TRPV1: variants seen among roughly 807,000 people sequenced by gnomAD.
TRPV1 encodes transient receptor potential cation channel subfamily V member 1.
TRPV1 carries 82 observed loss-of-function variants against 82.3 expected under a neutral mutation model. The observed-to-expected ratio is 1.00, with a 90% CI of 0.83 to 1.20. The LOEUF (loss-of-function observed/expected upper bound fraction) is 1.20. Among genes scored for constraint, TRPV1 ranks in the 50% most tolerant of loss-of-function variants. TRPV1 has a pLI of 0.00. For synonymous variants in TRPV1, 515 were observed against 467.7 expected (o/e 1.10, Z -1.30); for missense variants, 1,067 against 1,096.8 (o/e 0.97, Z 0.38).
chr17:3,586,121 G>A (rs2075082585), intron 8 of TRPV1, among the ~76,000 whole-genome samples, 195 bp from the exon 9 acceptor site: 1 of 152,240 alleles, frequency 6.6e-6, no homozygotes, highest in African/African-American at 2.4e-5. Context: ...CTCACGGAGG[G>A]ACCTGCCCTC....
In TRPV1 at chr17:3,588,209, G is replaced by A; in HGVS notation, c.1203C>T (p.Ala401=). The A allele has an allele frequency of 6.4e-7, 1 of 1,569,288 alleles. No homozygotes were observed. Among genetic ancestry groups the A allele is most frequent in the Non-Finnish European group, 8.6e-7 (1 of 1,157,608 alleles). ...CEKNSVLEVI[A]YSSSETPNRH... ...TCACAGGGGTCTCGCTGCTGCTGTA[G>A]GCGATCACCTCCAGCACCGAGTTCT... Residue 401 remains alanine, a synonymous_variant, in exon 8 of 17, where the codon GCC becomes GCT. Transcript: ENST00000572705.
In TRPV1 at chr17:3,573,756, G is replaced by A; in HGVS notation, c.1980C>T (p.Phe660=). The A allele has an allele frequency of 6.2e-7, 1 of 1,614,080 alleles. No individual in the cohort carries two copies. Among genetic ancestry groups the A allele is most frequent in the South Asian group, 1.1e-5 (1 of 91,074 alleles). ...FTENYDFKAV[F]IILLLAYVIL... is the part of the protein sequence containing the mutation. ...TTACATAGGCCAGCAGCAGGATGATGAAGACAGCCTTGAAGTCATAGTTCT... is the reference window on the plus strand; with the variant it reads ...TTACATAGGCCAGCAGCAGGATGATAAAGACAGCCTTGAAGTCATAGTTCT... Residue 660 remains phenylalanine, a synonymous_variant, in exon 14 of 17, where the codon TTC becomes TTT. Coordinates refer to ENST00000572705, the MANE Select transcript of TRPV1 (RefSeq NM_080704.4).
In TRPV1 at chr17:3,572,115, G is replaced by C; in HGVS notation, c.2231+7C>G. 1 of 1,612,552 alleles carries C rather than the reference G, an allele frequency of 6.2e-7. No individual in the cohort carries two copies. The highest frequency in any genetic ancestry group is 8.5e-7 in the Non-Finnish European group (1 of 1,179,014). ...AAGCCCTGATTCAGGTGGAGCCTGGGCATTACCTGAAGCACCACCGGTAGT... is the reference window on the plus strand; with the variant it reads ...AAGCCCTGATTCAGGTGGAGCCTGGCCATTACCTGAAGCACCACCGGTAGT... On this transcript the variant is annotated splice_region_variant and intron_variant, in intron 15 of 16. Transcript: ENST00000572705.
At chr17:3,586,348 C>T (rs2075084993) in intron 8 of TRPV1, among the ~76,000 whole-genome samples, 1 of 152,246 alleles carries the variant, frequency 6.6e-6, no homozygotes, top group Admixed American at 6.5e-5. Context: ...ACGTTTCCAG[C>T]CCTGGGTCAG....
At position 3,591,242 on chromosome 17, in the gene TRPV1, G is replaced by A; in HGVS notation, c.396C>T (p.Ser132=). 2 of 1,613,180 alleles carry A rather than the reference G, an allele frequency of 1.2e-6. No individual in the cohort carries two copies. Among genetic ancestry groups the A allele is most frequent in the African/African-American group, 2.7e-5 (2 of 74,996 alleles). Residue 132 remains serine, a synonymous_variant, in exon 4 of 17, where the codon AGC becomes AGT. Coordinates refer to ENST00000572705, the MANE Select transcript of TRPV1 (RefSeq NM_080704.4). ...VAQNNCQDLE[S]LLLFLQKSKK... is the part of the protein sequence containing the mutation. ...TGCTCTTCTGCAGGAAGAGCAGCAG[G>A]CTCTCCAGATCCTGGCAGTTATTCT... is the stretch of plus-strand genomic sequence containing the variant.
At chr17:3,576,668 A>AAAATATATAT in intron 13 of TRPV1, among the ~76,000 whole-genome samples, 10 of 38,412 alleles carry the variant, frequency 2.6e-4, no homozygotes, top group Admixed American at 1.8e-3. Flanking sequence ...AAAAAAAAAA[A>AAAATATATAT]ATATATATAT....
At chr17:3,605,727 T>G (rs1449878382) in intron 2 of TRPV1, among the ~76,000 whole-genome samples, 1 of 152,158 alleles carries the variant, frequency 6.6e-6, no homozygotes, top group Non-Finnish European at 1.5e-5. Context: ...TCCTAGGGTC[T>G]GTTTATGTAA....
intron 9 of TRPV1, among the ~76,000 whole-genome samples, chr17:3,584,470 C>A (rs1248744059): frequency 1.4e-5 from 2 of 146,210 alleles, no homozygotes; most frequent in South Asian, 4.4e-4. Context: ...GGACAGAAAT[C>A]GGGTTTCATG....
chr17:3,580,614 T>C (rs2074994933), intron 10 of TRPV1, 87 bp from the exon 11 acceptor site: 2 of 1,392,976 alleles, frequency 1.4e-6, no homozygotes, highest in East Asian at 2.3e-5. Context: ...AATGGCACCA[T>C]GATGGGGTGG....
chr17:3,597,431 G>A (rs774331115), intron 2 of TRPV1, among the ~76,000 whole-genome samples: 3 of 152,162 alleles, frequency 2.0e-5, no homozygotes, highest in Middle Eastern at 3.2e-3. Flanking sequence ...AAATAAAGAG[G>A]GAATGGAGGG....
chr17:3,570,140 A>T (rs1045373998), intron 16 of TRPV1, among the ~76,000 whole-genome samples: 5 of 152,154 alleles, frequency 3.3e-5, no homozygotes, highest in Non-Finnish European at 7.4e-5. Flanking sequence ...CTGTCATCCC[A>T]GCACTTTGGG....
chr17:3,581,510 A>C (rs1428754748), intron 10 of TRPV1, among the ~76,000 whole-genome samples: 1 of 152,170 alleles, frequency 6.6e-6, no homozygotes, highest in African/African-American at 2.4e-5. Context: ...GACGAAGTTC[A>C]ATGACTGAAC....
chr17:3,580,761 C>A (rs958700108), intron 10 of TRPV1, among the ~76,000 whole-genome samples: 32 of 152,300 alleles, frequency 2.1e-4, no homozygotes, highest in East Asian at 7.7e-4. Context: ...TCACGCCTGT[C>A]ATCCCAGCAC....
Position 3,603,134 on chromosome 17 carries a change from T to G in TRPV1, c.-34+5293A>C, listed in dbSNP as rs118071402. Among the ~76,000 whole-genome samples, 874 of 127,464 alleles carry G rather than the reference T, an allele frequency of 6.9e-3. 23 individuals are homozygous for G. The East Asian group carries it at 0.11, about 16-fold the overall frequency. 83.6% of individuals were successfully genotyped at this position (127,464 alleles called of 152,430 possible). On this transcript the variant is annotated intron_variant, in intron 2 of 16. Transcript: ENST00000572705. The stretch of plus-strand genomic sequence containing the variant: ...AAACTCCATCTCAAAAAATTAAAAT[T>G]AAAATTAAAAAAAAAAAGAAAAATA...
chr17:3,591,290 C>T lies in TRPV1; in HGVS notation c.348G>A (p.Arg116=). 4 of 1,612,998 alleles carry T rather than the reference C, an allele frequency of 2.5e-6. No individual in the cohort carries two copies. The highest frequency in any genetic ancestry group is 3.4e-6 in the Non-Finnish European group (4 of 1,179,698). ...TCTGAGCAACGGCTTCAAAGATACT[C>T]CTGCGATCATAGAGCCTGAGGGTCT... ...TEKTLRLYDR[R]SIFEAVAQNN... The change falls in exon 4 of 17, where the codon AGG becomes AGA. Residue 116 remains arginine, a synonymous_variant. Coordinates refer to ENST00000572705, the MANE Select transcript of TRPV1 (RefSeq NM_080704.4).
chr17:3,572,331 C>T, intron 14 of TRPV1, 82 bp from the exon 15 acceptor site: 5 of 1,499,920 alleles, frequency 3.3e-6, no homozygotes, highest in Middle Eastern at 2.0e-4. Context: ...TATCCAGCTC[C>T]CCAGGGGCTC....
At chr17:3,598,274 C>G (rs1162201312) in intron 2 of TRPV1, among the ~76,000 whole-genome samples, 1 of 152,178 alleles carries the variant, frequency 6.6e-6, no homozygotes, top group Non-Finnish European at 1.5e-5. Context: ...TGCCTGGGGT[C>G]GCTTGAAAGC....
At chr17:3,590,905 G>A in intron 5 of TRPV1, 59 bp downstream of exon 5, 1 of 1,500,224 alleles carries the variant, frequency 6.7e-7, no homozygotes, top group Non-Finnish European at 8.9e-7. Context: ...GGACAACCAT[G>A]CCCCCCTGCT....
At position 3,573,798 on chromosome 17, in the gene TRPV1, GC is replaced by G; in HGVS notation, c.1937del (p.Gly646AlafsTer23). On this transcript the variant is annotated frameshift_variant, in exon 14 of 17. Coordinates refer to ENST00000572705, the MANE Select transcript of TRPV1 (RefSeq NM_080704.4). LOFTEE classifies it high-confidence loss of function. ...LELFKFTIGM[G>X]DLEFTENYDF... is the part of the protein sequence containing the mutation. ...CATAGTTCTCAGTGAACTCCAGGTC[GC>G]CCATGCCGATGGTGAACTTGAACAG... 2 of 1,613,850 alleles carry G rather than the reference GC, an allele frequency of 1.2e-6. No homozygotes were observed. The highest frequency in any genetic ancestry group is 1.7e-6 in the Non-Finnish European group (2 of 1,179,860).
Sources: allele counts gnomAD v4.1 joint callset (sites outside exome capture counted in the v4.1 genomes callset), GRCh38; gene constraint gnomAD v4.1.1; transcripts MANE v1.5; gene names NCBI Gene and HGNC (gene_info 2026-07-23, HGNC 2026-07-21).